CPPED1: variants seen among roughly 807,000 people sequenced by gnomAD.
The protein encoded by CPPED1 is serine/threonine-protein phosphatase CPPED1.
In CPPED1, 28 loss-of-function variants were observed where a neutral mutation model predicts 28.0. The ratio of observed to expected loss-of-function variants is 1.00; its 90% CI spans 0.74 to 1.37. The LOEUF (loss-of-function observed/expected upper bound fraction) is 1.37. CPPED1 is among the 40% of genes most tolerant of loss of function. CPPED1 has a pLI of 0.00. For synonymous variants in CPPED1, 198 were observed against 180.2 expected (o/e 1.10, Z -0.79); for missense variants, 504 against 416.5 (o/e 1.21, Z -1.83).
At position 12,709,995 on chromosome 16, in the gene CPPED1, A is replaced by G. The variant is rs928716279; in HGVS notation, c.290-4946T>C. ...AAGGAAGGAAGGAAGGGAAGAGAAGAGAAGGAAGGAAGGGAAGGAAGGGAG... is the reference window on the plus strand; with the variant it reads ...AAGGAAGGAAGGAAGGGAAGAGAAGGGAAGGAAGGAAGGGAAGGAAGGGAG... On this transcript the variant is annotated intron_variant, in intron 2 of 3. Transcript: ENST00000381774. The surrounding 1 kb of genome is among the most constrained non-coding windows in gnomAD (Gnocchi z 4.4). 2.7e-5 allele frequency among the ~76,000 whole-genome samples: 4 copies of G among 147,104 alleles called. No homozygotes were observed. In the East Asian group the frequency reaches 8.1e-4, roughly 30 times the overall value.
chr16:12,673,917 T>C (rs2079865342), intron 3 of CPPED1, among the ~76,000 whole-genome samples: 1 of 151,870 alleles, frequency 6.6e-6, no homozygotes, highest in African/African-American at 2.4e-5. Context: ...GGCATGGAGG[T>C]GCATGCCTGT....
At chr16:12,715,264 C>T (rs778833027) in intron 2 of CPPED1, among the ~76,000 whole-genome samples, 10 of 152,204 alleles carry the variant, frequency 6.6e-5, no homozygotes, top group African/African-American at 1.2e-4. Context: ...AGGTTGTTTT[C>T]GCTATTCTGG....
At chr16:12,800,719 C>T (rs1452413536) in intron 1 of CPPED1, among the ~76,000 whole-genome samples, 4 of 152,154 alleles carry the variant, frequency 2.6e-5, no homozygotes, top group Non-Finnish European at 4.4e-5. Flanking sequence ...CATGTCCCAA[C>T]CTCATCTTTC....
intron 3 of CPPED1, among the ~76,000 whole-genome samples, chr16:12,669,707 A>G (rs571369793): frequency 6.6e-6 from 1 of 152,318 alleles, no homozygotes; most frequent in Non-Finnish European, 1.5e-5. Flanking sequence ...AGAAGTATGT[A>G]CTAGCAATGA....
intron 2 of CPPED1, among the ~76,000 whole-genome samples, chr16:12,717,903 A>C (rs1019988020): frequency 1.3e-5 from 2 of 152,100 alleles, no homozygotes; most frequent in Admixed American, 1.3e-4. Flanking sequence ...CCGCCTCTCA[A>C]AGTGCTGTGA....
At chr16:12,748,882 C>CAA (rs35776807) in intron 2 of CPPED1, among the ~76,000 whole-genome samples, 152 of 134,900 alleles carry the variant, frequency 1.1e-3, no homozygotes, top group South Asian at 6.8e-3. Flanking sequence ...GACTCCATCT[C>CAA]AAAAAAAAAA....
At chr16:12,723,767 A>T (rs1413150604) in intron 2 of CPPED1, among the ~76,000 whole-genome samples, 2 of 152,100 alleles carry the variant, frequency 1.3e-5, no homozygotes, top group East Asian at 1.9e-4. Context: ...ATGCTCTGGG[A>T]GAAGGAATGC....
At position 12,785,546 on chromosome 16, in the gene CPPED1, G is replaced by A. The variant is rs992798795; in HGVS notation, c.71-4143C>T. Among the ~76,000 whole-genome samples the A allele has an allele frequency of 2.0e-5, 3 of 151,402 alleles. No individual in the cohort carries two copies. In the East Asian group the frequency reaches 5.9e-4, roughly 30 times the overall value. ...AAGCTCAAGTGATTCTCATGCCTCA[G>A]CCTCCCGAGTAGCTGCGATTACAGG... On this transcript the variant is annotated intron_variant, in intron 1 of 3. Transcript: ENST00000381774.
intron 1 of CPPED1, among the ~76,000 whole-genome samples, chr16:12,793,879 A>G (rs2080610970): frequency 6.6e-6 from 1 of 152,232 alleles, no homozygotes; most frequent in Non-Finnish European, 1.5e-5. Flanking sequence ...GAAAGATGGG[A>G]AGCTTCACAG....
At chr16:12,753,011 T>G (rs936045289) in intron 2 of CPPED1, 1 of 152,006 alleles carries the variant, frequency 6.6e-6, no homozygotes, top group African/African-American at 2.4e-5. Context: ...TGAAGACCGA[T>G]AGCAAAATGA....
At chr16:12,743,633 T>C (rs1234275890) in intron 2 of CPPED1, among the ~76,000 whole-genome samples, 6 of 152,160 alleles carry the variant, frequency 3.9e-5, no homozygotes, top group Non-Finnish European at 5.9e-5. Flanking sequence ...GAAAAAGTCA[T>C]TTATCTCAAT....
chr16:12,792,450 A>G (rs1368057424), intron 1 of CPPED1, among the ~76,000 whole-genome samples: 1 of 152,174 alleles, frequency 6.6e-6, no homozygotes, highest in African/African-American at 2.4e-5. Flanking sequence ...GGAACCCACA[A>G]CAAAATCCAG....
chr16:12,722,249 G>A (rs2080145324), intron 2 of CPPED1, among the ~76,000 whole-genome samples: 1 of 152,180 alleles, frequency 6.6e-6, no homozygotes, highest in South Asian at 2.1e-4. Flanking sequence ...GGCAGCGAGT[G>A]GACTTCCCAG....
intron 2 of CPPED1, among the ~76,000 whole-genome samples, chr16:12,780,043 C>G (rs2865886): frequency 0.28 from 42,959 of 152,028 alleles, 6,207 homozygotes; most frequent in Admixed American, 0.39. Flanking sequence ...CGTTGAATTT[C>G]CAACATCTCA....
intron 2 of CPPED1, among the ~76,000 whole-genome samples, chr16:12,742,550 G>A (rs998462030): frequency 2.6e-5 from 4 of 152,112 alleles, no homozygotes; most frequent in Non-Finnish European, 5.9e-5. Context: ...CCAAACCACC[G>A]TGGAGCTTTC....
chr16:12,730,595 T>G (rs2080192130), intron 2 of CPPED1, among the ~76,000 whole-genome samples: 1 of 152,208 alleles, frequency 6.6e-6, no homozygotes, highest in Non-Finnish European at 1.5e-5. Flanking sequence ...CATTAGATGG[T>G]ATACTACATG....
At chr16:12,705,136 A>C in intron 2 of CPPED1, 87 bp from the exon 3 acceptor site, 1 of 1,355,582 alleles carries the variant, frequency 7.4e-7, no homozygotes, top group Admixed American at 2.5e-5. Context: ...CATAAAATTT[A>C]AAAAAAGAGT....
At chr16:12,759,045 C>T (rs1473863095) in intron 2 of CPPED1, among the ~76,000 whole-genome samples, 1 of 151,394 alleles carries the variant, frequency 6.6e-6, no homozygotes, top group African/African-American at 2.4e-5. Context: ...TATCTGCAGT[C>T]CCAGCTACTC....
intron 2 of CPPED1, among the ~76,000 whole-genome samples, chr16:12,718,689 G>A (rs1306889563): frequency 5.3e-5 from 8 of 152,128 alleles, no homozygotes; most frequent in Admixed American, 1.3e-4. Flanking sequence ...TCAGCTGGGA[G>A]CGGTGGCTCA....
Sources: gnomAD v4.1 joint callset for allele counts (sites outside exome capture counted in the v4.1 genomes callset) on GRCh38, gnomAD v4.1.1 for gene constraint, Gnocchi (gnomAD v3.1) non-coding constraint, MANE v1.5 for transcripts, NCBI Gene and HGNC (gene_info 2026-07-23, HGNC 2026-07-21) for gene names.